PCDHGC5: variants seen among roughly 807,000 people sequenced by gnomAD.
The protein encoded by PCDHGC5 is protocadherin gamma-C5.
PCDHGC5 carries 25 observed loss-of-function variants against 59.0 expected under a neutral mutation model. That is an observed-to-expected ratio of 0.42 (90% CI 0.31 to 0.59). The LOEUF is 0.59. PCDHGC5 is among the 20% of genes least tolerant of loss of function. The pLI is 0.13. For missense variants in PCDHGC5, 1,067 were observed against 1,206.4 expected (o/e 0.88, Z 1.71); for synonymous variants, 434 against 505.5 (o/e 0.86, Z 1.90).
rs58019021 is a variant in PCDHGC5, at chr5:141,500,184, T to TTTTATTTATTTA, written c.2520-5178_2520-5167dup. Among the ~76,000 whole-genome samples, 232 of 135,962 alleles carry TTTTATTTATTTA rather than the reference T, an allele frequency of 1.7e-3. 1 individual carries two copies. The highest frequency in any genetic ancestry group is 6.4e-3 in the South Asian group (27 of 4,202). The allele number at this position is 135,962 out of a possible 152,430, so 89.2% of individuals were successfully genotyped here. A position where few individuals can be genotyped will look rare whatever the true frequency, so the allele number is the denominator to read the frequency against. The stretch of plus-strand genomic sequence containing the variant: ...GAACATGCATGAGCTTCATTTTTAT[T>TTTTATTTATTTA]TTTATTTATTTATTTATTTATTTAT... On this transcript the variant is annotated intron_variant, in intron 2 of 3. Transcript: ENST00000252087.
intron 3 of PCDHGC5, among the ~76,000 whole-genome samples, chr5:141,506,190 C>T (rs1313145580): frequency 6.6e-6 from 1 of 152,180 alleles, no homozygotes; most frequent in Non-Finnish European, 1.5e-5. Flanking sequence ...GTGGCTCACG[C>T]CTGTAATCCC....
rs778744503 is a variant in PCDHGC5, at chr5:141,511,152, G to A, written c.2814G>A (p.Ser938=). Residue 938 remains serine (S), a synonymous_variant, in exon 4 of 4, where the codon TCG becomes TCA. Transcript: ENST00000252087. The part of the protein sequence containing the change: ...PAGGNGNKKK[S]GKKEKK ...GTGGCAATGGCAACAAGAAGAAGTCGGGCAAGAAGGAGAAGAAGTAACATG... is the reference window on the plus strand; with the variant it reads ...GTGGCAATGGCAACAAGAAGAAGTCAGGCAAGAAGGAGAAGAAGTAACATG... The A allele has an allele frequency of 2.0e-5, 32 of 1,614,022 alleles. No individual in the cohort carries two copies. Among genetic ancestry groups the A allele is most frequent in the South Asian group, 4.4e-5 (4 of 91,090 alleles).
At position 141,490,870 on chromosome 5, in the gene PCDHGC5, T is replaced by C; in HGVS notation, c.1630T>C (p.Leu544=). ...VGVRDSGSPP[L]HANTSLHVFV... is the part of the protein sequence containing the mutation. Reference sequence around the variant, plus strand: ...GGTTCGAGACTCCGGCTCTCCCCCATTGCATGCCAACACATCTCTGCATGT... The same window carrying C: ...GGTTCGAGACTCCGGCTCTCCCCCACTGCATGCCAACACATCTCTGCATGT... The change falls in exon 1 of 4, where the codon TTG becomes CTG. Residue 544 remains leucine, a synonymous_variant. Coordinates refer to ENST00000252087, the MANE Select transcript of PCDHGC5 (RefSeq NM_018929.3). The surrounding 1 kb of genome is among the most constrained non-coding windows in gnomAD (Gnocchi z 5.4). 6.2e-7 allele frequency: 1 copy of C among 1,613,888 alleles called. No homozygotes were observed. Among genetic ancestry groups the C allele is most frequent in the Non-Finnish European group, 8.5e-7 (1 of 1,179,932 alleles).
chr5:141,496,234 T>C (rs2154591884), intron 2 of PCDHGC5, among the ~76,000 whole-genome samples: 1 of 152,232 alleles, frequency 6.6e-6, no homozygotes, highest in Middle Eastern at 3.4e-3. Context: ...AGGAACCCCC[T>C]GCGGGCTGAA....
chr5:141,491,861 C>A lies in PCDHGC5; in HGVS notation c.2460+161C>A. ...GGATCATTGGACCGTTTGCGCGAAA[C>A]CAGAGTGGCCGATTAAGGGATGGGG... On this transcript the variant is annotated intron_variant, in intron 1 of 3. Transcript: ENST00000252087. The surrounding 1 kb of genome is among the most constrained non-coding windows in gnomAD (Gnocchi z 6.9). 6.9e-7 allele frequency: 1 copy of A among 1,455,272 alleles called. No homozygotes were observed. The highest frequency in any genetic ancestry group is 9.1e-7 in the Non-Finnish European group (1 of 1,100,930). The allele number at this position is 1,455,272 out of a possible 1,614,324, so 90.1% of individuals were successfully genotyped here.
At chr5:141,502,231 G>A (rs2099813372) in intron 2 of PCDHGC5, among the ~76,000 whole-genome samples, 1 of 152,172 alleles carries the variant, frequency 6.6e-6, no homozygotes, top group Non-Finnish European at 1.5e-5. Context: ...TGTTCTGTGT[G>A]TTCTTTTATC....
Position 141,490,982 on chromosome 5 carries a change from G to A in PCDHGC5, c.1742G>A (p.Arg581His), listed in dbSNP as rs964673026. 5 of 1,613,994 alleles carry A rather than the reference G, an allele frequency of 3.1e-6. No homozygotes were observed. Among genetic ancestry groups the A allele is most frequent in the Admixed American group, 1.7e-5 (1 of 60,020 alleles). The change falls in exon 1 of 4, where the codon CGC becomes CAC. Residue 581 changes from arginine (R) to histidine (H), a missense_variant. Physicochemically the swap from Arg to His is conservative, Grantham distance 29. Coordinates refer to ENST00000252087, the MANE Select transcript of PCDHGC5 (RefSeq NM_018929.3). This position sits in a 1 kb window ranked among gnomAD's most constrained non-coding sequence, Gnocchi z 5.4. The stretch of plus-strand genomic sequence containing the variant: ...CACTCAGCCCCCCAGCGTCTCCCTC[G>A]CTCTGCTCCTCCTGGCTCCTTGGTC... ...WEHSAPQRLP[R>H]SAPPGSLVTK...
chr5:141,489,428 G>C lies in PCDHGC5; in HGVS notation c.188G>C (p.Arg63Pro), dbSNP rs561792279. The C allele has an allele frequency of 1.2e-6, 2 of 1,613,994 alleles. No individual in the cohort carries two copies. Among genetic ancestry groups the C allele is most frequent in the Non-Finnish European group, 1.7e-6 (2 of 1,180,038 alleles). Residue 63 changes from arginine (R) to proline (P), a missense_variant, in exon 1 of 4, where the codon CGG (arginine) becomes CCG (proline). Arg to Pro is a moderately radical substitution (Grantham distance 103). Coordinates refer to ENST00000252087, the MANE Select transcript of PCDHGC5 (RefSeq NM_018929.3). This position sits in a 1 kb window ranked among gnomAD's most constrained non-coding sequence, Gnocchi z 4.5. The part of the protein sequence containing the change: ...GLKMTDLLSR[R>P]LQLGSEENGR... The stretch of plus-strand genomic sequence containing the variant: ...AAGATGACAGATCTGTTGAGCCGGC[G>C]GCTGCAATTGGGCTCTGAGGAGAAT...
chr5:141,500,460 C>T (rs1421637554), intron 2 of PCDHGC5, among the ~76,000 whole-genome samples: 2 of 152,234 alleles, frequency 1.3e-5, no homozygotes, highest in South Asian at 2.1e-4. Context: ...CCGCCCGCCT[C>T]GGCCTCCCAA....
In PCDHGC5 at chr5:141,511,284, G is replaced by A; in HGVS notation, c.*111G>A. Reference sequence around the variant, plus strand: ...AGGGCTAACCCCCAGAATACTGGTAGGGGCCAAGGCCATGCTCCCCTTGGG... The same window carrying A: ...AGGGCTAACCCCCAGAATACTGGTAAGGGCCAAGGCCATGCTCCCCTTGGG... On this transcript the variant is annotated 3_prime_UTR_variant, in exon 4 of 4. Coordinates refer to ENST00000252087, the MANE Select transcript of PCDHGC5 (RefSeq NM_018929.3). 6.5e-7 allele frequency: 1 copy of A among 1,528,376 alleles called. No individual in the cohort carries two copies. The highest frequency in any genetic ancestry group is 1.4e-5 in the African/African-American group (1 of 72,796). The allele number at this position is 1,528,376 out of a possible 1,614,324, so 94.7% of individuals were successfully genotyped here.
Position 141,511,378 on chromosome 5 carries a change from T to C in PCDHGC5, c.*205T>C. 1 of 1,202,114 alleles carries C rather than the reference T, an allele frequency of 8.3e-7. No homozygotes were observed. The highest frequency in any genetic ancestry group is 1.1e-6 in the Non-Finnish European group (1 of 882,194). The allele number at this position is 1,202,114 out of a possible 1,614,324, so 74.5% of individuals were successfully genotyped here. A position where few individuals can be genotyped will look rare whatever the true frequency, so the allele number is the denominator to read the frequency against. On this transcript the variant is annotated 3_prime_UTR_variant, in exon 4 of 4. Coordinates refer to ENST00000252087, the MANE Select transcript of PCDHGC5 (RefSeq NM_018929.3). ...AGGGGGTTGAATATGCAAAAGCAGT[T>C]CCGCTGGGAACCCCCATCCAATCAA...
At position 141,490,176 on chromosome 5, in the gene PCDHGC5, G is replaced by T. The variant is rs758876319; in HGVS notation, c.936G>T (p.Glu312Asp). Residue 312 changes from glutamate (E) to aspartate (D), a missense_variant, in exon 1 of 4, where the codon GAG becomes GAT. By Grantham distance (45) the Glu-to-Asp change is conservative (BLOSUM62 2). Transcript: ENST00000252087. This position sits in a 1 kb window ranked among gnomAD's most constrained non-coding sequence, Gnocchi z 5.4. ...IHVLGPIDFE[E>D]SRFYEIHARA... ...TGTTGGGTCCCATAGACTTTGAGGAGTCACGTTTCTATGAAATTCATGCAA... is the reference window on the plus strand; with the variant it reads ...TGTTGGGTCCCATAGACTTTGAGGATTCACGTTTCTATGAAATTCATGCAA... 12 of 1,614,100 alleles carry T rather than the reference G, an allele frequency of 7.4e-6. No homozygotes were observed. Among genetic ancestry groups the T allele is most frequent in the Non-Finnish European group, 1.0e-5 (12 of 1,180,046 alleles).
At position 141,489,870 on chromosome 5, in the gene PCDHGC5, G is replaced by T; in HGVS notation, c.630G>T (p.Leu210=). The change falls in exon 1 of 4, where the codon CTG becomes CTT. Residue 210 remains leucine (L), a synonymous_variant. Transcript: ENST00000252087. The surrounding 1 kb of genome is among the most constrained non-coding windows in gnomAD (Gnocchi z 4.5). The part of the protein sequence containing the change: ...LDREAQARHQ[L]VLTAVDGGTP... ...GTGAAGCCCAGGCAAGACATCAGCT[G>T]GTGCTTACTGCTGTGGATGGGGGGA... 1.2e-6 allele frequency: 2 copies of T among 1,614,220 alleles called. No individual in the cohort carries two copies. The highest frequency in any genetic ancestry group is 1.7e-6 in the Non-Finnish European group (2 of 1,180,024).
In PCDHGC5 at chr5:141,494,886, C is replaced by T. The variant is rs1212594477; in HGVS notation, c.2519+21C>T. ...AGCGGGTAGGTGACTGATTCTCCAG[C>T]CCACCCTCTTCTCTGCGGCATTTTC... On this transcript the variant is annotated intron_variant, in intron 2 of 3. Coordinates refer to ENST00000252087, the MANE Select transcript of PCDHGC5 (RefSeq NM_018929.3). 8 of 1,614,010 alleles carry T rather than the reference C, an allele frequency of 5.0e-6. No homozygotes were observed. The Admixed American group carries it at 8.3e-5, about 17-fold the overall frequency.
At chr5:141,501,333 A>C (rs200092587) in intron 2 of PCDHGC5, among the ~76,000 whole-genome samples, 397 of 140,104 alleles carry the variant, frequency 2.8e-3, no homozygotes, top group Non-Finnish European at 2.6e-3. Flanking sequence ...ACACACACAC[A>C]CCCCAAACTC....
rs368927472 is a variant in PCDHGC5 at position 141,490,874 on chromosome 5, A to G, written c.1634A>G (p.His545Arg). The G allele has an allele frequency of 2.4e-5, 39 of 1,613,830 alleles. No individual in the cohort carries two copies. Among genetic ancestry groups the G allele is most frequent in the Non-Finnish European group, 3.1e-5 (36 of 1,179,960 alleles). ...CGAGACTCCGGCTCTCCCCCATTGCATGCCAACACATCTCTGCATGTGTTT... is the reference window on the plus strand; with the variant it reads ...CGAGACTCCGGCTCTCCCCCATTGCGTGCCAACACATCTCTGCATGTGTTT... The part of the protein sequence containing the change: ...GVRDSGSPPL[H>R]ANTSLHVFVL... Residue 545 changes from histidine to arginine, a missense_variant, in exon 1 of 4, where the codon CAT becomes CGT. Transcript: ENST00000252087. This position sits in a 1 kb window ranked among gnomAD's most constrained non-coding sequence, Gnocchi z 5.4.
At chr5:141,506,487 G>A (rs1265051912) in intron 3 of PCDHGC5, among the ~76,000 whole-genome samples, 3 of 150,464 alleles carry the variant, frequency 2.0e-5, no homozygotes, top group Non-Finnish European at 4.4e-5. Flanking sequence ...TTAGAGGCAG[G>A]CCAATCTGGA....
chr5:141,510,221 C>T lies in PCDHGC5; in HGVS notation c.2609-726C>T, dbSNP rs891359580. On this transcript the variant is annotated intron_variant, in intron 3 of 3. Transcript: ENST00000252087. The stretch of plus-strand genomic sequence containing the variant: ...CCAGGAGGCAGAGGTTGCAGTGAGC[C>T]GGGATCGCGCCACTGCACTCCAGGC... Among the ~76,000 whole-genome samples, 12 of 150,616 alleles carry T rather than the reference C, an allele frequency of 8.0e-5. No homozygotes were observed. In the East Asian group the frequency reaches 1.2e-3, roughly 15 times the overall value.
chr5:141,489,086 G>A lies in PCDHGC5; in HGVS notation c.-155G>A, dbSNP rs2233599. ...CCCCCCTGCCCACCCCCGCCACTCG[G>A]TGACTAAGAACTGCTGCAAGCAGGC... On this transcript the variant is annotated 5_prime_UTR_variant, in exon 1 of 4. In the 5' UTR this introduces an upstream ATG that the reference lacks. Coordinates refer to ENST00000252087, the MANE Select transcript of PCDHGC5 (RefSeq NM_018929.3). The surrounding 1 kb of genome is among the most constrained non-coding windows in gnomAD (Gnocchi z 4.5). 2.2e-3 allele frequency: 754 copies of A among 340,206 alleles called. 5 individuals carry two copies. Among genetic ancestry groups the A allele is most frequent in the African/African-American group, 0.018 (712 of 39,726 alleles). 21.1% of individuals were successfully genotyped at this position (340,206 alleles called of 1,614,324 possible).
Sources: gnomAD v4.1 joint callset for allele counts (sites outside exome capture counted in the v4.1 genomes callset) on GRCh38, gnomAD v4.1.1 for gene constraint, Gnocchi (gnomAD v3.1) non-coding constraint, MANE v1.5 for transcripts, NCBI Gene and HGNC (gene_info 2026-07-23, HGNC 2026-07-21) for gene names.